The following PTPRD variants were observed in gnomAD, a reference collection of about 807,000 sequenced individuals.
The protein encoded by PTPRD is receptor-type tyrosine-protein phosphatase delta.
Under a neutral mutation model 214.5 loss-of-function variants are expected in PTPRD, and 34 were observed. The observed-to-expected ratio is 0.16, with a 90% CI of 0.12 to 0.21. PTPRD has a LOEUF of 0.21. PTPRD is among the 10% of genes least tolerant of loss of function. PTPRD has a pLI of 1.00. For missense variants in PTPRD, 2,545 were observed against 2,398.7 expected (o/e 1.06, Z -1.27); for synonymous variants, 1,128 against 845.7 (o/e 1.33, Z -5.79).
intron 9 of PTPRD, among the ~76,000 whole-genome samples, chr9:9,196,018 G>A (rs1238895654): frequency 3.3e-5 from 5 of 152,102 alleles, no homozygotes; most frequent in African/African-American, 1.2e-4. Flanking sequence ...CAGTTTGGAG[G>A]ATAGTCCTCT....
chr9:10,297,241 T>C (rs967216812), intron 3 of PTPRD, among the ~76,000 whole-genome samples: 1 of 151,596 alleles, frequency 6.6e-6, no homozygotes, highest in Non-Finnish European at 1.5e-5. Flanking sequence ...GAAAACTGAA[T>C]TTTATTTTTA....
intron 3 of PTPRD, among the ~76,000 whole-genome samples, chr9:10,041,491 T>C (rs974504536): frequency 6.6e-6 from 1 of 151,766 alleles, no homozygotes; most frequent in Non-Finnish European, 1.5e-5. Flanking sequence ...AAGCATATTA[T>C]GTTTTAGAGC....
chr9:9,572,022 A>T (rs1049380508), intron 8 of PTPRD, among the ~76,000 whole-genome samples: 1 of 151,328 alleles, frequency 6.6e-6, no homozygotes, highest in East Asian at 1.9e-4. Flanking sequence ...CTTAAATAGG[A>T]CATAAAAAAC....
intron 5 of PTPRD, among the ~76,000 whole-genome samples, chr9:9,876,262 A>G (rs900130900): frequency 2.0e-5 from 3 of 152,188 alleles, no homozygotes; most frequent in Non-Finnish European, 4.4e-5. Flanking sequence ...GTTTATCAAA[A>G]TGAATATATG....
intron 4 of PTPRD, among the ~76,000 whole-genome samples, chr9:9,955,763 T>TC (rs1205705215): frequency 4.6e-5 from 7 of 152,222 alleles, no homozygotes; most frequent in South Asian, 2.1e-4. Flanking sequence ...GACCTCGTGA[T>TC]AGCCCGCCTC....
intron 30 of PTPRD, among the ~76,000 whole-genome samples, chr9:8,479,160 A>ATACC (rs1289262890): frequency 1.3e-5 from 2 of 152,214 alleles, no homozygotes; most frequent in Non-Finnish European, 2.9e-5. Context: ...GCTTCTTGTA[A>ATACC]TACCTGACCG....
intron 14 of PTPRD, among the ~76,000 whole-genome samples, chr9:8,565,345 T>C (rs1177522010): frequency 6.6e-6 from 1 of 152,216 alleles, no homozygotes; most frequent in Non-Finnish European, 1.5e-5. Flanking sequence ...ACTGCTTTCA[T>C]GTGAGAACCA....
chr9:9,161,741 A>G (rs2099889435), intron 10 of PTPRD, among the ~76,000 whole-genome samples: 1 of 152,092 alleles, frequency 6.6e-6, no homozygotes. Flanking sequence ...CATTTAAAAT[A>G]TGTTTTAGAT....
At chr9:10,047,074 T>C (rs1327986270) in intron 3 of PTPRD, among the ~76,000 whole-genome samples, 2 of 151,982 alleles carry the variant, frequency 1.3e-5, no homozygotes, top group East Asian at 3.9e-4. Context: ...TGACAAAGAA[T>C]GATTTTTAAG....
Position 9,236,493 on chromosome 9 carries a change from C to G in PTPRD, c.-202-53130G>C, listed in dbSNP as rs561658097. Among the ~76,000 whole-genome samples, 3 of 152,000 alleles carry G rather than the reference C, an allele frequency of 2.0e-5. No homozygotes were observed. The South Asian group carries it at 6.3e-4, about 32-fold the overall frequency. On this transcript the variant is annotated intron_variant, in intron 9 of 45. Transcript: ENST00000381196. ...TCTCTGCCCTCTTATACTCTCTCAACTTCCTGGGAGTCCCTGACACTCCAG... is the reference window on the plus strand; with the variant it reads ...TCTCTGCCCTCTTATACTCTCTCAAGTTCCTGGGAGTCCCTGACACTCCAG...
At chr9:9,394,384 T>C (rs992565036) in intron 9 of PTPRD, among the ~76,000 whole-genome samples, 2 of 152,180 alleles carry the variant, frequency 1.3e-5, no homozygotes, top group Admixed American at 1.3e-4. Flanking sequence ...GCCTAGTATA[T>C]AAAAGCTCCT....
intron 5 of PTPRD, among the ~76,000 whole-genome samples, chr9:9,858,332 T>G (rs1281932561): frequency 6.6e-6 from 1 of 152,236 alleles, no homozygotes; most frequent in Non-Finnish European, 1.5e-5. Context: ...TATCTGATTT[T>G]AGAGACACAA....
intron 11 of PTPRD, among the ~76,000 whole-genome samples, chr9:8,890,196 C>T (rs1230552055): frequency 2.6e-5 from 4 of 152,084 alleles, no homozygotes; most frequent in African/African-American, 4.8e-5. Context: ...GGCATGTATG[C>T]CCTTTATCAA....
At chr9:9,111,491 G>A (rs977783177) in intron 10 of PTPRD, among the ~76,000 whole-genome samples, 6 of 151,902 alleles carry the variant, frequency 3.9e-5, no homozygotes, top group Non-Finnish European at 8.8e-5. Context: ...CCACTTTCGA[G>A]CACCCCAAAC....
At chr9:10,074,319 T>G (rs893920079) in intron 3 of PTPRD, among the ~76,000 whole-genome samples, 8 of 152,140 alleles carry the variant, frequency 5.3e-5, no homozygotes, top group African/African-American at 1.9e-4. Context: ...CAATGCAAAA[T>G]AGCTTGCAGT....
At chr9:9,152,565 G>A (rs776704424) in intron 10 of PTPRD, among the ~76,000 whole-genome samples, 8 of 152,152 alleles carry the variant, frequency 5.3e-5, no homozygotes, top group African/African-American at 1.9e-4. Context: ...AAAAGAAAAC[G>A]AAGTTGTCAA....
intron 9 of PTPRD, among the ~76,000 whole-genome samples, chr9:9,195,001 A>G (rs2099937473): frequency 6.8e-6 from 1 of 147,772 alleles, no homozygotes; most frequent in Non-Finnish European, 1.5e-5. Context: ...GTGTGTGTGT[A>G]TACAGATACC....
chr9:8,704,914 C>T (rs1021724690), intron 12 of PTPRD, among the ~76,000 whole-genome samples: 3 of 152,022 alleles, frequency 2.0e-5, no homozygotes, highest in African/African-American at 7.2e-5. Context: ...TAGAGCAAGA[C>T]TCCTTAAAAA....
chr9:8,567,048 A>G (rs2089519634), intron 14 of PTPRD, among the ~76,000 whole-genome samples: 1 of 152,102 alleles, frequency 6.6e-6, no homozygotes, highest in African/African-American at 2.4e-5. Flanking sequence ...TCTCCAACGA[A>G]TCTCTCCTAT....
Sources: gnomAD v4.1 joint callset for allele counts (sites outside exome capture counted in the v4.1 genomes callset) on GRCh38, gnomAD v4.1.1 for gene constraint, MANE v1.5 for transcripts, NCBI Gene and HGNC (gene_info 2026-07-23, HGNC 2026-07-21) for gene names.